Variants in POR observed in about 807,000 individuals in gnomAD.
POR encodes the protein cytochrome p450 oxidoreductase.
Under a neutral mutation model 84.0 loss-of-function variants are expected in POR, and 56 were observed. The observed-to-expected ratio is 0.67, with a 90% confidence interval of 0.54 to 0.83. The LOEUF is 0.83. POR is among the 40% of genes least tolerant of loss of function. POR has a pLI of 0.00. For missense variants in POR, 938 were observed against 944.3 expected, an observed-to-expected ratio of 0.99 and a Z score of 0.09; for synonymous variants, 414 against 400.5, an observed-to-expected ratio of 1.03 and a Z score of -0.40.
At chr7:75,985,256 G>C in intron 12 of POR, 49 bp downstream of exon 12, 2 of 1,526,128 alleles carry the variant, frequency 1.3e-6, no homozygotes, top group Non-Finnish European at 1.8e-6. Flanking sequence ...GCCCAGCCCT[G>C]CTCACAGCAG....
At chr7:75,980,703 T>C (rs782638593) in intron 5 of POR, 74 of 1,523,686 alleles carry the variant, frequency 4.9e-5, no homozygotes, top group Non-Finnish European at 6.4e-5. Context: ...CCAGGGGGCA[T>C]TGGGTGCTGG....
rs797031901 is a variant in POR at position 75,984,238 on chromosome 7, C to T, written c.1066+382C>T. 3.9e-5 allele frequency among the ~76,000 whole-genome samples: 6 copies of T among 152,304 alleles called. 1 individual carries two copies. Among genetic ancestry groups the T allele is most frequent in the African/African-American group, 1.4e-4 (6 of 41,574 alleles). ...CCTCACTGAAGTCAGGAGTCAGCAG[C>T]CCTCCCAGGCCCCCAAGGGTGCACA... On this transcript the variant is annotated intron_variant, in intron 10 of 15. Coordinates refer to ENST00000461988, the MANE Select transcript of POR (RefSeq NM_000941.3).
chr7:75,983,898 C>T (rs368514691), intron 10 of POR, 42 bp downstream of exon 10: 34 of 1,486,842 alleles, frequency 2.3e-5, no homozygotes, highest in Admixed American at 9.8e-5. Context: ...CTCAGGCAGC[C>T]GCGGGATTGG....
chr7:75,957,512 G>C (rs1787740098), intron 2 of POR, among the ~76,000 whole-genome samples: 1 of 149,940 alleles, frequency 6.7e-6, no homozygotes, highest in South Asian at 2.2e-4. Flanking sequence ...CCACCGCCGT[G>C]AGTGAGGACG....
chr7:75,983,119 T>A (rs1348615586), intron 8 of POR, among the ~76,000 whole-genome samples: 11 of 152,112 alleles, frequency 7.2e-5, no homozygotes, highest in African/African-American at 2.7e-4. Context: ...GGTGGGTGAA[T>A]CACCTGAGGT....
At position 75,982,201 on chromosome 7, in the gene POR, C is replaced by A. The variant is rs1407637574; in HGVS notation, c.732-23C>A. ...ACTGACCCCTGCCGCTTCCCGGCCT[C>A]ACCCTTGGTCTCCCCTTTCCAGCAT... On this transcript the variant is annotated intron_variant, in intron 7 of 15. Transcript: ENST00000461988. The A allele has an allele frequency of 1.9e-6, 3 of 1,591,776 alleles. No homozygotes were observed. The African/African-American group carries it at 4.0e-5, about 21-fold the overall frequency.
Position 75,986,010 on chromosome 7 carries a change from A to G in POR, c.1757A>G (p.His586Arg). 1.3e-6 allele frequency: 2 copies of G among 1,567,748 alleles called. No homozygotes were observed. The highest frequency in any genetic ancestry group is 1.7e-6 in the Non-Finnish European group (2 of 1,157,476). The stretch of plus-strand genomic sequence containing the variant: ...TACCGGGAGGAGCTGGCGCAGTTCC[A>G]CAGGGACGGTGCGCTCACCCAGCTC... The change falls in exon 14 of 16, where the codon CAC becomes CGC. Residue 586 changes from histidine to arginine, a missense_variant. His to Arg is a conservative substitution (Grantham distance 29). Transcript: ENST00000461988.
chr7:75,923,616 G>A (rs55887531), intron 1 of POR, among the ~76,000 whole-genome samples: 3 of 152,156 alleles, frequency 2.0e-5, no homozygotes, highest in East Asian at 3.9e-4. Context: ...GGCCGGGCCC[G>A]GTGGCTCACG....
chr7:75,917,814 T>G (rs1554548246), intron 1 of POR, among the ~76,000 whole-genome samples: 1 of 152,046 alleles, frequency 6.6e-6, no homozygotes, highest in Middle Eastern at 3.2e-3. Flanking sequence ...GGCCAAAGAT[T>G]CTGTGCTCAT....
intron 2 of POR, among the ~76,000 whole-genome samples, chr7:75,954,490 C>A (rs1227328027): frequency 6.6e-6 from 1 of 152,124 alleles, no homozygotes; most frequent in Non-Finnish European, 1.5e-5. Flanking sequence ...GGTCATTAGC[C>A]AGCAATAGCA....
chr7:75,972,828 CTT>C (rs1216099396), intron 3 of POR: 210 of 261,402 alleles, frequency 8.0e-4, no homozygotes, highest in Middle Eastern at 1.4e-3. Context: ...GTTTTTGTTA[CTT>C]TTTTTTTTTT....
intron 7 of POR, chr7:75,981,865 A>C: frequency 1.7e-6 from 1 of 576,970 alleles, no homozygotes; most frequent in South Asian, 2.2e-5. Flanking sequence ...CTTTGGCAAA[A>C]GGGCTCATTT....
In POR at chr7:75,986,236, C is replaced by T; in HGVS notation, c.1893C>T (p.Val631=). 6.2e-7 allele frequency: 1 copy of T among 1,612,690 alleles called. No individual in the cohort carries two copies. Among genetic ancestry groups the T allele is most frequent in the Non-Finnish European group, 8.5e-7 (1 of 1,179,804 alleles). Residue 631 remains valine, a synonymous_variant, in exon 15 of 16, where the codon GTC becomes GTT. Coordinates refer to ENST00000461988, the MANE Select transcript of POR (RefSeq NM_000941.3). ...TCGAAGGCGGTGCCCACATCTACGT[C>T]TGTGGGTGAGTGAGTGGGGTCACTG...
At chr7:75,927,473 C>A (rs138848451) in intron 1 of POR, among the ~76,000 whole-genome samples, 2,461 of 151,124 alleles carry the variant, frequency 0.016, 51 homozygotes, top group African/African-American at 0.047. Context: ...AAAACAACAA[C>A]AAAAAAAACC....
At chr7:75,985,878 G>A (rs978740623) in intron 13 of POR, 29 bp downstream of exon 13, 2 of 1,552,580 alleles carry the variant, frequency 1.3e-6, no homozygotes, top group East Asian at 2.4e-5. Context: ...GGGAGAGGGG[G>A]TGACGACTGG....
chr7:75,934,122 A>AGTGTGTGTGTGTGTGT lies in POR; in HGVS notation c.-5+18978_-5+18993dup, dbSNP rs58236447. Among the ~76,000 whole-genome samples, 3 of 126,856 alleles carry AGTGTGTGTGTGTGTGT rather than the reference A, an allele frequency of 2.4e-5. No homozygotes were observed. The East Asian group carries it at 7.3e-4, about 31-fold the overall frequency. The allele number at this position is 126,856 out of a possible 152,430, so 83.2% of individuals were successfully genotyped here. ...TTTTTTTCCTGGTCCAAGACCTCAG[A>AGTGTGTGTGTGTGTGT]GTGTGTGTGTGTGTGTGTGTGTGTG... On this transcript the variant is annotated intron_variant, in intron 1 of 15. Coordinates refer to ENST00000461988, the MANE Select transcript of POR (RefSeq NM_000941.3).
At chr7:75,975,662 T>G (rs1322876987) in intron 3 of POR, among the ~76,000 whole-genome samples, 1 of 152,132 alleles carries the variant, frequency 6.6e-6, no homozygotes, top group Non-Finnish European at 1.5e-5. Context: ...CTGGGTTCTT[T>G]TCACTGGGCG....
intron 1 of POR, among the ~76,000 whole-genome samples, chr7:75,953,666 A>T (rs1312213904): frequency 3.3e-5 from 5 of 152,198 alleles, no homozygotes; most frequent in Admixed American, 1.3e-4. Flanking sequence ...GGATTAGAGG[A>T]TGTTCCAGCA....
chr7:75,922,835 C>A, intron 1 of POR: 1 of 540,570 alleles, frequency 1.8e-6, no homozygotes, highest in Admixed American at 2.8e-5. Flanking sequence ...GGCCTCAAAG[C>A]CACCCAGTCA....
Sources: gnomAD v4.1 joint callset for allele counts (sites outside exome capture counted in the v4.1 genomes callset) on GRCh38, gnomAD v4.1.1 for gene constraint, MANE v1.5 for transcripts, NCBI Gene and HGNC (gene_info 2026-07-23, HGNC 2026-07-21) for gene names.